CDK14: variants seen among roughly 807,000 people sequenced by gnomAD.
CDK14 encodes cyclin-dependent kinase 14.
A neutral mutation model predicts 60.7 loss-of-function variants in CDK14; 34 were observed. The observed-to-expected ratio is 0.56, with a 90% CI of 0.43 to 0.75. The LOEUF (loss-of-function observed/expected upper bound fraction) is 0.75, where lower values mean the gene tolerates loss of function less well. CDK14 is among the 30% of genes least tolerant of loss of function. The pLI, the probability that CDK14 is intolerant of heterozygous loss-of-function variation, is 0.00. For missense variants in CDK14, 482 were observed against 564.1 expected (o/e 0.85, Z 1.47); for synonymous variants, 197 against 203.7 (o/e 0.97, Z 0.28).
intron 3 of CDK14, among the ~76,000 whole-genome samples, chr7:90,736,342 A>ATTTTTTTTTTTTTTTT (rs1803106558): frequency 1.1e-5 from 1 of 87,094 alleles, no homozygotes; most frequent in African/African-American, 4.6e-5. Context: ...GTACTTTATT[A>ATTTTTTTTTTTTTTTT]TGTTTTTGTT....
intron 4 of CDK14, among the ~76,000 whole-genome samples, chr7:90,777,825 T>C (rs1157738900): frequency 6.6e-6 from 1 of 152,212 alleles, no homozygotes; most frequent in Non-Finnish European, 1.5e-5. Flanking sequence ...AAAAACTCCC[T>C]GATCATCCAC....
chr7:90,665,423 C>T (rs1466929279), intron 2 of CDK14, among the ~76,000 whole-genome samples: 1 of 151,966 alleles, frequency 6.6e-6, no homozygotes, highest in Admixed American at 6.5e-5. Flanking sequence ...TTGTTTTTTG[C>T]CCTTGAGGAG....
At chr7:90,723,288 T>A (rs6955446) in intron 2 of CDK14, among the ~76,000 whole-genome samples, 139,086 of 152,266 alleles carry the variant, frequency 0.91, 63,648 homozygotes, top group East Asian at 1. Flanking sequence ...CATACATTTT[T>A]AAAAAATCTT....
At chr7:91,191,858 A>G (rs1040845477) in intron 14 of CDK14, among the ~76,000 whole-genome samples, 3 of 152,116 alleles carry the variant, frequency 2.0e-5, no homozygotes, top group African/African-American at 7.2e-5. Context: ...TAAAATTAAA[A>G]TTGTGTGGAT....
chr7:90,824,208 C>T (rs1334527983), intron 5 of CDK14, among the ~76,000 whole-genome samples: 2 of 152,086 alleles, frequency 1.3e-5, no homozygotes, highest in African/African-American at 2.4e-5. Flanking sequence ...ACTTGACTTC[C>T]TGCTTTACAT....
chr7:91,177,473 G>A (rs1381241558), intron 14 of CDK14, among the ~76,000 whole-genome samples: 2 of 151,864 alleles, frequency 1.3e-5, no homozygotes, highest in Non-Finnish European at 2.9e-5. Context: ...AATCAGGCAG[G>A]AGAAGGAAAT....
intron 4 of CDK14, among the ~76,000 whole-genome samples, chr7:90,780,979 C>A (rs1181284733): frequency 6.6e-6 from 1 of 152,032 alleles, no homozygotes; most frequent in African/African-American, 2.4e-5. Flanking sequence ...AATCGCCACA[C>A]TGACTTCCAC....
At chr7:91,143,398 C>A (rs1402810070) in intron 14 of CDK14, among the ~76,000 whole-genome samples, 1 of 152,020 alleles carries the variant, frequency 6.6e-6, no homozygotes, top group Non-Finnish European at 1.5e-5. Context: ...GGCTGTCATG[C>A]CATAAAGCAC....
chr7:91,158,122 A>ATATATACAT (rs1243634538), intron 14 of CDK14, among the ~76,000 whole-genome samples: 3 of 148,090 alleles, frequency 2.0e-5, no homozygotes, highest in African/African-American at 7.3e-5. Context: ...TATAAACAGT[A>ATATATACAT]TATATACATT....
At chr7:90,805,468 A>C (rs940444427) in intron 5 of CDK14, among the ~76,000 whole-genome samples, 1 of 152,066 alleles carries the variant, frequency 6.6e-6, no homozygotes, top group African/African-American at 2.4e-5. Flanking sequence ...ATATTTGTGT[A>C]TACTAGCAAT....
chr7:90,972,535 A>T (rs1467199896), intron 9 of CDK14, among the ~76,000 whole-genome samples: 1 of 152,228 alleles, frequency 6.6e-6, no homozygotes, highest in East Asian at 1.9e-4. Context: ...AGAGTAAGAT[A>T]AATAAATGGC....
At chr7:90,751,161 C>T (rs1803828907) in intron 4 of CDK14, among the ~76,000 whole-genome samples, 1 of 151,786 alleles carries the variant, frequency 6.6e-6, no homozygotes, top group Non-Finnish European at 1.5e-5. Context: ...AGGTGAATAT[C>T]CAGATTCAAA....
chr7:91,042,908 C>T (rs2116008198), intron 10 of CDK14, among the ~76,000 whole-genome samples: 1 of 152,288 alleles, frequency 6.6e-6, no homozygotes, highest in South Asian at 2.1e-4. Flanking sequence ...CCAGTCATTG[C>T]TAATCATACA....
At chr7:91,120,718 G>T (rs1799760140) in intron 14 of CDK14, among the ~76,000 whole-genome samples, 3 of 152,092 alleles carry the variant, frequency 2.0e-5, no homozygotes, top group Non-Finnish European at 4.4e-5. Context: ...TGTATTTTTA[G>T]TAGAGACGGG....
At chr7:90,763,692 C>T (rs979042092) in intron 4 of CDK14, among the ~76,000 whole-genome samples, 2 of 151,886 alleles carry the variant, frequency 1.3e-5, no homozygotes, top group African/African-American at 4.8e-5. Flanking sequence ...GGAGGGATAG[C>T]ATTAGGAGAA....
intron 2 of CDK14, among the ~76,000 whole-genome samples, chr7:90,634,004 G>C (rs958604375): frequency 3.3e-5 from 5 of 152,022 alleles, no homozygotes; most frequent in Non-Finnish European, 7.4e-5. Context: ...AGCTGTGAAG[G>C]TATAAAACTT....
intron 2 of CDK14, among the ~76,000 whole-genome samples, chr7:90,702,604 T>A (rs528082811): frequency 6.6e-6 from 1 of 152,152 alleles, no homozygotes; most frequent in African/African-American, 2.4e-5. Flanking sequence ...TAATTTCAGT[T>A]TTTAATGTCT....
intron 2 of CDK14, among the ~76,000 whole-genome samples, chr7:90,654,183 G>C (rs1191974362): frequency 6.6e-6 from 1 of 152,040 alleles, no homozygotes; most frequent in Non-Finnish European, 1.5e-5. Context: ...TCCTTTCTTA[G>C]TATGTTCAAC....
At chr7:90,675,917 A>G (rs954527634) in intron 2 of CDK14, among the ~76,000 whole-genome samples, 1 of 152,240 alleles carries the variant, frequency 6.6e-6, no homozygotes, top group Non-Finnish European at 1.5e-5. Flanking sequence ...GGAAAGAAGA[A>G]AACTATTATA....
Sources: allele counts gnomAD v4.1 joint callset (sites outside exome capture counted in the v4.1 genomes callset), GRCh38; gene constraint gnomAD v4.1.1; transcripts MANE v1.5; gene names NCBI Gene and HGNC (gene_info 2026-07-23, HGNC 2026-07-21).